ATP5F1C: variants seen among roughly 807,000 people sequenced by gnomAD.
ATP5F1C encodes the protein ATP synthase F1 subunit gamma, also known as ATP synthase F(1) complex subunit gamma, mitochondrial.
Under a neutral mutation model 37.4 loss-of-function variants are expected in ATP5F1C, and 22 were observed. That is an observed-to-expected ratio of 0.59 (90% CI 0.42 to 0.84). The LOEUF is 0.84. Among genes scored for constraint, ATP5F1C ranks in the 40% least tolerant of loss-of-function variants. The pLI, the probability that ATP5F1C is intolerant of heterozygous loss-of-function variation, is 0.00. For synonymous variants in ATP5F1C, 121 were observed against 128.0 expected, an observed-to-expected ratio of 0.95 and a Z score of 0.37; for missense variants, 286 against 362.4, an observed-to-expected ratio of 0.79 and a Z score of 1.71.
At chr10:7,806,048 T>G (rs1457760588) in intron 8 of ATP5F1C, among the ~76,000 whole-genome samples, 1 of 152,194 alleles carries the variant, frequency 6.6e-6, no homozygotes, top group Non-Finnish European at 1.5e-5. Flanking sequence ...ATCGTGCCAC[T>G]GCACAAAACC....
chr10:7,802,315 A>T lies in ATP5F1C; in HGVS notation c.683A>T (p.Asn228Ile), dbSNP rs1217828325. The change falls in exon 7 of 10, where the codon AAT becomes ATT. Residue 228 changes from asparagine (N) to isoleucine (I), a missense_variant. Asn to Ile is a moderately radical substitution (Grantham distance 149). Coordinates refer to ENST00000356708, the MANE Select transcript of ATP5F1C (RefSeq NM_001001973.3). ...GATATTGATGCTGACGTGCTGCAAA[A>T]TTACCAAGAATACAATCTGGCCAAC... ...YDDIDADVLQNYQEYNLANII... is the reference protein window; with the variant it reads ...YDDIDADVLQIYQEYNLANII... The T allele has an allele frequency of 6.2e-7, 1 of 1,613,852 alleles. No homozygotes were observed. The highest frequency in any genetic ancestry group is 8.5e-7 in the Non-Finnish European group (1 of 1,179,994).
At chr10:7,794,755 A>G (rs1281861533) in intron 1 of ATP5F1C, among the ~76,000 whole-genome samples, 2 of 152,212 alleles carry the variant, frequency 1.3e-5, no homozygotes, top group Admixed American at 6.5e-5. Context: ...TTGATTTGCT[A>G]ATACACTGTT....
At chr10:7,805,788 T>A (rs974586743) in intron 8 of ATP5F1C, among the ~76,000 whole-genome samples, 3 of 150,388 alleles carry the variant, frequency 2.0e-5, no homozygotes, top group African/African-American at 7.3e-5. Context: ...GGAAACCTAT[T>A]TAAAAGTAAC....
chr10:7,793,285 G>A (rs1836190106), intron 1 of ATP5F1C, among the ~76,000 whole-genome samples: 1 of 152,100 alleles, frequency 6.6e-6, no homozygotes, highest in East Asian at 1.9e-4. Context: ...CTAATTTTTT[G>A]TATTTTTAGT....
intron 1 of ATP5F1C, among the ~76,000 whole-genome samples, chr10:7,794,274 A>G (rs554613512): frequency 6.6e-6 from 1 of 152,136 alleles, no homozygotes. Context: ...GGCTATTTTT[A>G]TTCTTTGGGA....
At chr10:7,805,335 T>C (rs1395513741) in intron 8 of ATP5F1C, among the ~76,000 whole-genome samples, 1 of 152,254 alleles carries the variant, frequency 6.6e-6, no homozygotes, top group Non-Finnish European at 1.5e-5. Context: ...GTTTGTGGGC[T>C]GTGTGAGATC....
Position 7,807,160 on chromosome 10 carries a change from G to A in ATP5F1C, c.*30+150G>A, listed in dbSNP as rs1228616202. 6 of 640,034 alleles carry A rather than the reference G, an allele frequency of 9.4e-6. No homozygotes were observed. The African/African-American group carries it at 1.1e-4, about 12-fold the overall frequency. 39.6% of individuals were successfully genotyped at this position (640,034 alleles called of 1,614,324 possible). The stretch of plus-strand genomic sequence containing the variant: ...AGCAGCCAACTCACGGGAGCACCTG[G>A]GCAACGCTAGTGGACTTTTTTGTAG... On this transcript the variant is annotated intron_variant, in intron 9 of 9. Coordinates refer to ENST00000356708, the MANE Select transcript of ATP5F1C (RefSeq NM_001001973.3).
chr10:7,794,460 G>T (rs1276958577), intron 1 of ATP5F1C, among the ~76,000 whole-genome samples: 1 of 150,840 alleles, frequency 6.6e-6, no homozygotes, highest in Non-Finnish European at 1.5e-5. Flanking sequence ...TATGGGGAAA[G>T]CTCCTAGCCT....
At chr10:7,797,686 C>A (rs1022193150) in intron 3 of ATP5F1C, among the ~76,000 whole-genome samples, 18 of 152,038 alleles carry the variant, frequency 1.2e-4, no homozygotes, top group Admixed American at 1.1e-3. Context: ...GGAGAGCTGG[C>A]CTTGTGGTCA....
intron 1 of ATP5F1C, 92 bp from the exon 2 acceptor site, chr10:7,796,029 C>T (rs753067589): frequency 1.0e-6 from 1 of 959,034 alleles, no homozygotes; most frequent in Non-Finnish European, 1.6e-6. Context: ...ATGGGGTATT[C>T]TTTAAATAAA....
At chr10:7,805,146 G>A (rs913323978) in intron 8 of ATP5F1C, among the ~76,000 whole-genome samples, 1 of 152,188 alleles carries the variant, frequency 6.6e-6, no homozygotes, top group South Asian at 2.1e-4. Context: ...TGATGAACTT[G>A]GTTAGGATAC....
intron 1 of ATP5F1C, among the ~76,000 whole-genome samples, chr10:7,789,537 C>T (rs1274195497): frequency 6.6e-6 from 1 of 152,102 alleles, no homozygotes; most frequent in Non-Finnish European, 1.5e-5. Context: ...CACTTGTTAA[C>T]CACTCAGCAG....
Position 7,803,567 on chromosome 10 carries a change from A to G in ATP5F1C, c.890+713A>G, listed in dbSNP as rs76972427. Among the ~76,000 whole-genome samples the G allele has an allele frequency of 7.1e-3, 1,078 of 152,274 alleles. 11 individuals are homozygous for G. The highest frequency in any genetic ancestry group is 0.024 in the African/African-American group (1,008 of 41,548). ...TCGGCTGTTGGTTGAATCCATGGAT[A>G]CTGAGGGCCAACTATATACTGCTTT... On this transcript the variant is annotated intron_variant, in intron 8 of 9. Transcript: ENST00000356708.
chr10:7,791,126 C>T (rs769822751), intron 1 of ATP5F1C, among the ~76,000 whole-genome samples: 4 of 152,052 alleles, frequency 2.6e-5, no homozygotes, highest in Non-Finnish European at 5.9e-5. Flanking sequence ...ATGGTGAAAC[C>T]CTGTCTGTAC....
chr10:7,805,765 A>G (rs970546586), intron 8 of ATP5F1C, among the ~76,000 whole-genome samples: 13 of 151,674 alleles, frequency 8.6e-5, no homozygotes, highest in Non-Finnish European at 1.2e-4. Flanking sequence ...AAAAAAAAAA[A>G]AAAAGAAATG....
At chr10:7,807,051 A>T in intron 9 of ATP5F1C, 41 bp downstream of exon 9, 1 of 1,557,398 alleles carries the variant, frequency 6.4e-7, no homozygotes, top group Non-Finnish European at 8.8e-7. Context: ...TCAGAAAAGA[A>T]ACCTATTCAG....
chr10:7,796,410 GGTGGGTGTAT>G, intron 2 of ATP5F1C: 1 of 323,992 alleles, frequency 3.1e-6, no homozygotes, highest in Non-Finnish European at 5.7e-6. Flanking sequence ...TGTTGGTGTA[GGTGGGTGTAT>G]GTGTGGGAAG....
intron 8 of ATP5F1C, among the ~76,000 whole-genome samples, chr10:7,803,058 G>A (rs548504167): frequency 1.3e-5 from 2 of 149,900 alleles, no homozygotes; most frequent in African/African-American, 5.1e-5. Context: ...GGAAACACTC[G>A]GGCTTAGTTT....
At chr10:7,800,244 G>A (rs1836330016) in intron 6 of ATP5F1C, among the ~76,000 whole-genome samples, 153 bp downstream of exon 6, 1 of 152,202 alleles carries the variant, frequency 6.6e-6, no homozygotes, top group South Asian at 2.1e-4. Flanking sequence ...CTCCCAGGCT[G>A]GAGTGCAGTG....
Sources: allele counts gnomAD v4.1 joint callset (sites outside exome capture counted in the v4.1 genomes callset), GRCh38; gene constraint gnomAD v4.1.1; transcripts MANE v1.5; gene names NCBI Gene and HGNC (gene_info 2026-07-23, HGNC 2026-07-21).